The following FMN2 variants were observed in gnomAD, a reference collection of about 807,000 sequenced individuals.
The protein encoded by FMN2 is formin 2, also known as formin-2.
FMN2 carries 51 observed loss-of-function variants against 142.3 expected under a neutral mutation model. The observed-to-expected ratio is 0.36, with a 90% CI of 0.29 to 0.45. FMN2 has a LOEUF of 0.45. Ranked by LOEUF, FMN2 falls within the 20% of genes least tolerant of loss-of-function variation. The pLI is 1.00. For missense variants in FMN2, 1,936 were observed against 2,122.8 expected, an observed-to-expected ratio of 0.91 and a Z score of 1.73; for synonymous variants, 882 against 869.8, an observed-to-expected ratio of 1.01 and a Z score of -0.25.
intron 2 of FMN2, among the ~76,000 whole-genome samples, chr1:240,146,661 G>A (rs968113813): frequency 1.3e-5 from 2 of 152,036 alleles, no homozygotes; most frequent in African/African-American, 4.8e-5. Flanking sequence ...CTGAGACTTT[G>A]TCTCAATAAA....
At chr1:240,127,660 T>C (rs554433771) in intron 2 of FMN2, among the ~76,000 whole-genome samples, 2 of 152,090 alleles carry the variant, frequency 1.3e-5, no homozygotes, top group South Asian at 4.1e-4. Context: ...TAAGTTGTTG[T>C]TATAGACAGG....
In FMN2 at chr1:240,305,951, G is replaced by GTTTTTTTTTGTT. The variant is rs1173599248; in HGVS notation, c.4215+11077_4215+11078insGTTTTTTTTTTT. On this transcript the variant is annotated intron_variant, in intron 8 of 17. Coordinates refer to ENST00000319653, the MANE Select transcript of FMN2 (RefSeq NM_020066.5). ...TTTTCTAGACTAGATATGCTTGTAA[G>GTTTTTTTTTGTT]TTTTTTTTTTTTTTTTGAGGTGAAA... Among the ~76,000 whole-genome samples, 47 of 121,720 alleles carry GTTTTTTTTTGTT rather than the reference G, an allele frequency of 3.9e-4. 1 individual carries two copies. The highest frequency in any genetic ancestry group is 4.9e-4 in the Non-Finnish European group (29 of 59,240). 79.9% of individuals were successfully genotyped at this position (121,720 alleles called of 152,430 possible).
intron 15 of FMN2, among the ~76,000 whole-genome samples, chr1:240,408,117 TTTG>T (rs1674274532): frequency 6.6e-6 from 1 of 152,240 alleles, no homozygotes; most frequent in Admixed American, 6.5e-5. Context: ...CAAAATCTTT[TTTG>T]TTGTTTTTGT....
chr1:240,437,251 G>C (rs9729181), intron 15 of FMN2, among the ~76,000 whole-genome samples: 1 of 150,428 alleles, frequency 6.6e-6, no homozygotes, highest in African/African-American at 2.5e-5. Flanking sequence ...CTCAATGATA[G>C]CACTGTAGTC....
intron 14 of FMN2, among the ~76,000 whole-genome samples, chr1:240,362,215 T>C (rs1391572019): frequency 5.3e-5 from 8 of 152,080 alleles, no homozygotes; most frequent in African/African-American, 2.4e-5. Context: ...TGAATCAGAG[T>C]TACTATAACT....
At chr1:240,170,620 G>T (rs1232457096) in intron 2 of FMN2, 2 of 1,575,754 alleles carry the variant, frequency 1.3e-6, no homozygotes, top group Non-Finnish European at 8.7e-7. Flanking sequence ...TGAATGCACA[G>T]TTGTGGCTGA....
intron 3 of FMN2, among the ~76,000 whole-genome samples, chr1:240,186,027 A>T (rs758357116): frequency 1.1e-4 from 16 of 152,200 alleles, no homozygotes; most frequent in Non-Finnish European, 2.1e-4. Flanking sequence ...GCTCAATGAT[A>T]TGCTATATTT....
intron 7 of FMN2, chr1:240,285,178 G>C (rs1669542052): frequency 4.4e-6 from 2 of 454,532 alleles, no homozygotes; most frequent in Non-Finnish European, 4.4e-6. Flanking sequence ...TCTGAGAATG[G>C]GGTGGTAGGG....
chr1:240,241,910 ATC>A (rs1172167346), intron 6 of FMN2, among the ~76,000 whole-genome samples: 1 of 139,466 alleles, frequency 7.2e-6, no homozygotes, highest in Non-Finnish European at 1.5e-5. Context: ...GCAAGCTCCG[ATC>A]TCGGCTCACT....
intron 16 of FMN2, among the ~76,000 whole-genome samples, chr1:240,446,797 C>G (rs1675830880): frequency 6.6e-6 from 1 of 152,114 alleles, no homozygotes; most frequent in African/African-American, 2.4e-5. Flanking sequence ...CAAAGGCTTC[C>G]CCATGGCTCA....
intron 2 of FMN2, among the ~76,000 whole-genome samples, chr1:240,141,662 G>A (rs927796896): frequency 1.5e-4 from 23 of 152,128 alleles, no homozygotes; most frequent in South Asian, 6.2e-4. Flanking sequence ...GAGCCACCAC[G>A]CCCAGCCATA....
rs564781227 is a variant in FMN2, at chr1:240,166,156, AATAT to A, written c.1783-11755_1783-11752del. ...TTTATATATATGTATATAAATATAA[AATAT>A]ATATATATAAATAAACGTTACCTCA... is the stretch of plus-strand genomic sequence containing the variant. On this transcript the variant is annotated intron_variant, in intron 2 of 17. Coordinates refer to ENST00000319653, the MANE Select transcript of FMN2 (RefSeq NM_020066.5). 4.6e-4 allele frequency among the ~76,000 whole-genome samples: 68 copies of A among 148,794 alleles called. 1 individual carries two copies. Among genetic ancestry groups the A allele is most frequent in the Middle Eastern group, 7.1e-3 (2 of 280 alleles).
chr1:240,238,243 C>T (rs927938492), intron 6 of FMN2, among the ~76,000 whole-genome samples: 5 of 152,084 alleles, frequency 3.3e-5, no homozygotes, highest in Non-Finnish European at 4.4e-5. Flanking sequence ...AGGACTGATT[C>T]GAGGAACATT....
At chr1:240,320,888 G>A (rs1237334267) in intron 8 of FMN2, among the ~76,000 whole-genome samples, 1 of 152,168 alleles carries the variant, frequency 6.6e-6, no homozygotes, top group Non-Finnish European at 1.5e-5. Flanking sequence ...AAAAACGCTG[G>A]TGCCTCAGCA....
chr1:240,178,987 A>G (rs1665042139), intron 3 of FMN2, among the ~76,000 whole-genome samples: 1 of 152,198 alleles, frequency 6.6e-6, no homozygotes, highest in Non-Finnish European at 1.5e-5. Flanking sequence ...GTAGAAGAGC[A>G]TAACTTAAAA....
At chr1:240,378,603 A>G (rs1673125905) in intron 14 of FMN2, among the ~76,000 whole-genome samples, 1 of 152,204 alleles carries the variant, frequency 6.6e-6, no homozygotes, top group African/African-American at 2.4e-5. Flanking sequence ...ACATTATGCT[A>G]GAATGTTTAC....
chr1:240,142,475 A>ATTTATTTATTTATTTATTTATTTATT (rs1663224815), intron 2 of FMN2, among the ~76,000 whole-genome samples: 3 of 146,162 alleles, frequency 2.1e-5, no homozygotes, highest in Non-Finnish European at 3.0e-5. Flanking sequence ...AAACCTTTTC[A>ATTTATTTATTTATTTATTTATTTATT]TATTTATTTA....
intron 16 of FMN2, among the ~76,000 whole-genome samples, chr1:240,469,096 G>C (rs777436166): frequency 1.2e-4 from 18 of 152,074 alleles, no homozygotes; most frequent in Non-Finnish European, 2.4e-4. Context: ...TACAAGAGTG[G>C]GAACTGAGGA....
At chr1:240,127,472 C>T (rs573344353) in intron 2 of FMN2, among the ~76,000 whole-genome samples, 2 of 151,514 alleles carry the variant, frequency 1.3e-5, no homozygotes, top group South Asian at 2.1e-4. Context: ...TCTTGGTTTG[C>T]TTGTTGTGGT....
Sources: gnomAD v4.1 joint callset for allele counts (sites outside exome capture counted in the v4.1 genomes callset) on GRCh38, gnomAD v4.1.1 for gene constraint, MANE v1.5 for transcripts, NCBI Gene and HGNC (gene_info 2026-07-23, HGNC 2026-07-21) for gene names.